Variants in KIAA0319L observed in about 807,000 individuals in gnomAD.
KIAA0319L encodes KIAA0319 like, also known as dyslexia-associated protein KIAA0319-like protein.
A neutral mutation model predicts 120.1 loss-of-function variants in KIAA0319L; 55 were observed. The observed-to-expected ratio is 0.46, with a 90% CI of 0.37 to 0.57. The LOEUF is 0.57. Among genes scored for constraint, KIAA0319L ranks in the 20% least tolerant of loss-of-function variants. The pLI is 0.00. For synonymous variants in KIAA0319L, 398 were observed against 471.9 expected (o/e 0.84, Z 2.03); for missense variants, 1,049 against 1,255.3 (o/e 0.84, Z 2.48).
chr1:35,447,766 C>T (rs1409030692), intron 16 of KIAA0319L, among the ~76,000 whole-genome samples: 1 of 151,894 alleles, frequency 6.6e-6, no homozygotes, highest in African/African-American at 2.4e-5. Flanking sequence ...GAGGTGGGGT[C>T]TTGTTATGTT....
chr1:35,472,283 C>T (rs1643671417), intron 5 of KIAA0319L, among the ~76,000 whole-genome samples: 1 of 152,080 alleles, frequency 6.6e-6, no homozygotes, highest in Non-Finnish European at 1.5e-5. Context: ...GACAGTCGTT[C>T]GTTTGTTCTA....
intron 2 of KIAA0319L, 117 bp from the exon 3 acceptor site, chr1:35,507,252 G>A: frequency 1.0e-6 from 1 of 992,990 alleles, no homozygotes; most frequent in Non-Finnish European, 1.5e-6. Context: ...TTAAGAGGGT[G>A]AGAAAGCCAT....
chr1:35,467,455 T>C (rs1223540918), intron 6 of KIAA0319L, among the ~76,000 whole-genome samples: 1 of 152,128 alleles, frequency 6.6e-6, no homozygotes, highest in African/African-American at 2.4e-5. Context: ...CATATTAAAA[T>C]AATAGTTGTG....
chr1:35,473,779 T>C (rs753688408), intron 5 of KIAA0319L, among the ~76,000 whole-genome samples: 1 of 152,206 alleles, frequency 6.6e-6, no homozygotes, highest in Non-Finnish European at 1.5e-5. Context: ...AATACTGTAT[T>C]GGAGATGTGT....
At chr1:35,440,611 A>G (rs1373970527) in intron 20 of KIAA0319L, 1 of 167,044 alleles carries the variant, frequency 6.0e-6, no homozygotes, top group East Asian at 1.6e-4. Context: ...CCAAATGATA[A>G]AGATAGGAAG....
At position 35,506,310 on chromosome 1, in the gene KIAA0319L, GGTGAA is replaced by G. The variant is rs1347279573; in HGVS notation, c.666+297_666+301del. ...TGGCAGAAAATACTGCAGAATGGTT[GGTGAA>G]TACTAACAGCCATACAACTGTACTT... is the stretch of plus-strand genomic sequence containing the variant. On this transcript the variant is annotated intron_variant, in intron 3 of 20. Transcript: ENST00000325722. The surrounding 1 kb of genome is among the most constrained non-coding windows in gnomAD (Gnocchi z 4.0). Among the ~76,000 whole-genome samples the G allele has an allele frequency of 6.6e-6, 1 of 152,168 alleles. No individual in the cohort carries two copies. Among genetic ancestry groups the G allele is most frequent in the Non-Finnish European group, 1.5e-5 (1 of 68,028 alleles).
chr1:35,503,131 C>G (rs1415315756), intron 3 of KIAA0319L, among the ~76,000 whole-genome samples: 1 of 152,154 alleles, frequency 6.6e-6, no homozygotes, highest in Non-Finnish European at 1.5e-5. Flanking sequence ...ACCCACTCCC[C>G]CCAATCCCAT....
At chr1:35,455,022 C>T (rs1642341097) in intron 10 of KIAA0319L, among the ~76,000 whole-genome samples, 2 of 152,140 alleles carry the variant, frequency 1.3e-5, no homozygotes, top group African/African-American at 4.8e-5. Flanking sequence ...AAAATGGAGG[C>T]TTTAAGGGAG....
chr1:35,447,632 T>C (rs1242762969), intron 16 of KIAA0319L, among the ~76,000 whole-genome samples: 1 of 150,918 alleles, frequency 6.6e-6, no homozygotes, highest in African/African-American at 2.4e-5. Flanking sequence ...AGTGCAGTGG[T>C]GTGATCAGAG....
chr1:35,515,312 C>CAAAAAAAAAAAAAAAAAAACAAAAAAAA (rs765616874), intron 2 of KIAA0319L, among the ~76,000 whole-genome samples: 1 of 67,450 alleles, frequency 1.5e-5, no homozygotes. Context: ...AACTCCATCT[C>CAAAAAAAAAAAAAAAAAAACAAAAAAAA]AAAAAAAAAA....
chr1:35,445,450 C>T (rs981224766), intron 16 of KIAA0319L, among the ~76,000 whole-genome samples: 1 of 152,232 alleles, frequency 6.6e-6, no homozygotes, highest in African/African-American at 2.4e-5. Context: ...CCTTTCCCCA[C>T]ATCTCTCCTG....
At chr1:35,445,044 A>T (rs1641515859) in intron 16 of KIAA0319L, among the ~76,000 whole-genome samples, 1 of 152,252 alleles carries the variant, frequency 6.6e-6, no homozygotes, top group African/African-American at 2.4e-5. Context: ...AACCTTCTAA[A>T]TCAGTGAGTC....
chr1:35,435,842 T>G (rs1640745352), intron 20 of KIAA0319L, among the ~76,000 whole-genome samples: 1 of 151,348 alleles, frequency 6.6e-6, no homozygotes, highest in Non-Finnish European at 1.5e-5. Context: ...ATAAGAAGAG[T>G]TCCAACAGCA....
At position 35,454,489 on chromosome 1, in the gene KIAA0319L, CA is replaced by C; in HGVS notation, c.1657-5del. ...GTAAGGTTGGTGTTCTAACACCCTA[CA>C]AATACAAATACAGAAGTGGAAAAGT... On this transcript the variant is annotated splice_region_variant and splice_polypyrimidine_tract_variant and intron_variant, in intron 10 of 20. Coordinates refer to ENST00000325722, the MANE Select transcript of KIAA0319L (RefSeq NM_024874.5). The C allele has an allele frequency of 6.2e-7, 1 of 1,612,640 alleles. No homozygotes were observed. The highest frequency in any genetic ancestry group is 1.1e-5 in the South Asian group (1 of 91,018).
In KIAA0319L at chr1:35,450,003, C is replaced by G; in HGVS notation, c.2217G>C (p.Glu739Asp). 1 of 1,614,108 alleles carries G rather than the reference C, an allele frequency of 6.2e-7. No individual in the cohort carries two copies. Among genetic ancestry groups the G allele is most frequent in the Non-Finnish European group, 8.5e-7 (1 of 1,180,000 alleles). Residue 739 changes from glutamate (E) to aspartate (D), a missense_variant and splice_region_variant, in exon 15 of 21, where the codon GAG becomes GAC. Glu to Asp is a conservative substitution (Grantham distance 45, BLOSUM62 2). Coordinates refer to ENST00000325722, the MANE Select transcript of KIAA0319L (RefSeq NM_024874.5). The part of the protein sequence containing the change: ...TRDEGSPAAG[E>D]VLNHSDHHPI... ...GGTGATGGTCAGAGTGATTTAACAC[C>G]TCCTGTAGGGTTGAACAACATGGCT...
At chr1:35,485,514 T>TA (rs1644354211) in intron 3 of KIAA0319L, among the ~76,000 whole-genome samples, 1 of 152,242 alleles carries the variant, frequency 6.6e-6, no homozygotes, top group African/African-American at 2.4e-5. Flanking sequence ...TTGGGTTCCC[T>TA]TGGGTCCCTC....
chr1:35,443,869 T>C (rs753368284), intron 17 of KIAA0319L, among the ~76,000 whole-genome samples: 8 of 152,170 alleles, frequency 5.3e-5, no homozygotes, highest in Non-Finnish European at 1.0e-4. Context: ...GTTGCCTACA[T>C]TGATCATTGA....
chr1:35,456,221 T>A lies in KIAA0319L; in HGVS notation c.1448A>T (p.Asp483Val). The part of the protein sequence containing the change: ...YTFSLTVVDS[D>V]GATNSTTANL... ...TGCAGTAGTAGAGTTGGTAGCTCCA[T>A]CAGAGTCTACTACAGTCAAGCTATC... The change falls in exon 10 of 21, where the codon GAT becomes GTT. Residue 483 changes from aspartate to valine, a missense_variant. Asp to Val is a radical substitution (Grantham distance 152, BLOSUM62 -3). Coordinates refer to ENST00000325722, the MANE Select transcript of KIAA0319L (RefSeq NM_024874.5). 6.3e-7 allele frequency: 1 copy of A among 1,598,120 alleles called. No individual in the cohort carries two copies. Among genetic ancestry groups the A allele is most frequent in the Non-Finnish European group, 8.5e-7 (1 of 1,170,888 alleles).
At chr1:35,454,311 G>T (rs1280531177) in intron 11 of KIAA0319L, 51 bp downstream of exon 11, 2 of 1,605,080 alleles carry the variant, frequency 1.2e-6, no homozygotes, top group Non-Finnish European at 1.7e-6. Flanking sequence ...TTCCCCCAAG[G>T]TTAAATGGAC....
Sources: allele counts gnomAD v4.1 joint callset (sites outside exome capture counted in the v4.1 genomes callset), GRCh38; gene constraint gnomAD v4.1.1; non-coding constraint Gnocchi (gnomAD v3.1); transcripts MANE v1.5; gene names NCBI Gene and HGNC (gene_info 2026-07-23, HGNC 2026-07-21).